Variants in CCDC192 observed in about 807,000 individuals in gnomAD.
CCDC192 encodes coiled-coil domain containing 192, also known as coiled-coil domain-containing protein 192.
chr5:127,861,527 C>T (rs1435527935), intron 5 of CCDC192, among the ~76,000 whole-genome samples: 2 of 151,518 alleles, frequency 1.3e-5, no homozygotes, highest in Non-Finnish European at 2.9e-5. Context: ...TGATGACAGG[C>T]GCCTGTAATC....
chr5:127,928,240 A>G (rs1753919507), intron 6 of CCDC192, among the ~76,000 whole-genome samples: 1 of 152,172 alleles, frequency 6.6e-6, no homozygotes, highest in Non-Finnish European at 1.5e-5. Flanking sequence ...TATAGTTCTT[A>G]TAGATGGAGG....
At chr5:127,884,372 AGAG>A (rs1752482535) in intron 6 of CCDC192, among the ~76,000 whole-genome samples, 1 of 143,630 alleles carries the variant, frequency 7.0e-6, no homozygotes, top group African/African-American at 2.6e-5. Flanking sequence ...AAAAAAAAGA[AGAG>A]GGAAGAGACT....
At chr5:127,884,214 G>C (rs1752466131) in intron 6 of CCDC192, among the ~76,000 whole-genome samples, 1 of 151,588 alleles carries the variant, frequency 6.6e-6, no homozygotes, top group Non-Finnish European at 1.5e-5. Context: ...GTGGTGGCGG[G>C]CGCCTGTAGT....
At chr5:127,780,035 A>C (rs1218019948) in intron 3 of CCDC192, among the ~76,000 whole-genome samples, 3 of 152,064 alleles carry the variant, frequency 2.0e-5, no homozygotes, top group Admixed American at 1.3e-4. Context: ...CTCCAATCTC[A>C]TCCAGGTTGC....
chr5:127,928,585 T>C (rs949769248), intron 6 of CCDC192, among the ~76,000 whole-genome samples: 2 of 152,224 alleles, frequency 1.3e-5, no homozygotes, highest in Non-Finnish European at 2.9e-5. Context: ...TTCAAAGGTT[T>C]CGGGGATATC....
chr5:127,850,334 A>G (rs534914376), intron 5 of CCDC192, among the ~76,000 whole-genome samples: 1 of 152,196 alleles, frequency 6.6e-6, no homozygotes, highest in Non-Finnish European at 1.5e-5. Flanking sequence ...AAATTCTCTT[A>G]AAGGTACTCC....
intron 6 of CCDC192, among the ~76,000 whole-genome samples, chr5:127,934,638 T>G (rs561915977): frequency 6.6e-6 from 1 of 152,150 alleles, no homozygotes; most frequent in South Asian, 2.1e-4. Flanking sequence ...AAAAGAAAAA[T>G]ATTTGTACTA....
intron 6 of CCDC192, among the ~76,000 whole-genome samples, chr5:127,920,346 T>C (rs1753671735): frequency 6.6e-6 from 1 of 151,716 alleles, no homozygotes; most frequent in Non-Finnish European, 1.5e-5. Flanking sequence ...TCAATGATGA[T>C]GATCATCATT....
chr5:127,821,394 C>T (rs571838289), intron 5 of CCDC192, among the ~76,000 whole-genome samples: 19 of 152,326 alleles, frequency 1.2e-4, no homozygotes, highest in African/African-American at 4.6e-4. Context: ...ATCTAGGGGA[C>T]AGCCTCTTTT....
chr5:127,841,600 C>T (rs1750290553), intron 5 of CCDC192, among the ~76,000 whole-genome samples: 1 of 152,080 alleles, frequency 6.6e-6, no homozygotes, highest in Non-Finnish European at 1.5e-5. Flanking sequence ...CCATGTAACC[C>T]CTCTGGAGCA....
Position 127,707,367 on chromosome 5 carries a change from G to A in CCDC192, c.63-342G>A, listed in dbSNP as rs553994304. On this transcript the variant is annotated intron_variant, in intron 1 of 6. Coordinates refer to ENST00000514853, the MANE Select transcript of CCDC192 (RefSeq NM_001317938.2). ...GTGTAGGAGACAAAGAATTCTCCAC[G>A]TCTGCTGATTCTTAGGAGGTTATGC... Among the ~76,000 whole-genome samples, 10 of 151,476 alleles carry A rather than the reference G, an allele frequency of 6.6e-5. No individual in the cohort carries two copies. The South Asian group carries it at 1.5e-3, about 22-fold the overall frequency.
chr5:127,843,352 TA>T (rs1184600882), intron 5 of CCDC192, among the ~76,000 whole-genome samples: 1 of 152,000 alleles, frequency 6.6e-6, no homozygotes, highest in Non-Finnish European at 1.5e-5. Flanking sequence ...GTTTTTTTTT[TA>T]ATCTCTTAGT....
At chr5:127,930,125 C>G (rs1266388290) in intron 6 of CCDC192, among the ~76,000 whole-genome samples, 2 of 152,190 alleles carry the variant, frequency 1.3e-5, no homozygotes, top group Non-Finnish European at 2.9e-5. Flanking sequence ...ATCGCTTGAT[C>G]CCTGGAGGCG....
intron 1 of CCDC192, among the ~76,000 whole-genome samples, chr5:127,704,849 A>G (rs914288108): frequency 1.2e-5 from 1 of 86,214 alleles, no homozygotes; most frequent in Admixed American, 9.6e-5. Flanking sequence ...AAATAAATAA[A>G]TAAATAAATA....
At chr5:127,704,986 G>A (rs1322830816) in intron 1 of CCDC192, among the ~76,000 whole-genome samples, 2 of 151,960 alleles carry the variant, frequency 1.3e-5, no homozygotes, top group African/African-American at 4.8e-5. Context: ...TTTAAAGGAA[G>A]GAAATTTCAA....
At chr5:127,935,529 G>C (rs763997715) in intron 6 of CCDC192, 1 of 152,166 alleles carries the variant, frequency 6.6e-6, no homozygotes, top group Non-Finnish European at 1.5e-5. Flanking sequence ...ACTGTTTACA[G>C]AAAAGTGTTA....
At chr5:127,714,973 T>A (rs1751544788) in intron 2 of CCDC192, among the ~76,000 whole-genome samples, 1 of 7,668 alleles carries the variant, frequency 1.3e-4, no homozygotes, top group Admixed American at 2.8e-3. Context: ...AATTATTAGG[T>A]TTTTTTTTTG....
intron 2 of CCDC192, among the ~76,000 whole-genome samples, chr5:127,749,636 T>A (rs896847306): frequency 6.6e-6 from 1 of 152,038 alleles, no homozygotes; most frequent in Non-Finnish European, 1.5e-5. Context: ...ATAAAATGAG[T>A]TAGGGAGGAT....
chr5:127,774,489 G>A (rs185065186), intron 3 of CCDC192, among the ~76,000 whole-genome samples: 191 of 152,276 alleles, frequency 1.3e-3, no homozygotes, highest in Non-Finnish European at 2.3e-3. Context: ...ATTTGTGCCA[G>A]CACCATTTGT....
Sources: allele counts gnomAD v4.1 joint callset (sites outside exome capture counted in the v4.1 genomes callset), GRCh38; gene constraint gnomAD v4.1.1; transcripts MANE v1.5; gene names NCBI Gene and HGNC (gene_info 2026-07-23, HGNC 2026-07-21).